NFE2L3: variants seen among roughly 807,000 people sequenced by gnomAD.
The protein encoded by NFE2L3 is nuclear factor erythroid 2-related factor 3.
In NFE2L3, 18 loss-of-function variants were observed where a neutral mutation model predicts 23.5. That is an observed-to-expected ratio of 0.77 (90% CI 0.53 to 1.13). NFE2L3 has a LOEUF of 1.13. NFE2L3 is among the 50% of genes most tolerant of loss of function. The pLI, the probability that NFE2L3 is intolerant of heterozygous loss-of-function variation, is 0.00. For missense variants in NFE2L3, 1,152 were observed against 877.2 expected (o/e 1.31, Z -3.96); for synonymous variants, 424 against 354.5 (o/e 1.20, Z -2.20).
In NFE2L3 at chr7:26,185,054, C is replaced by T. The variant is rs1382641806; in HGVS notation, c.1356C>T (p.Asp452=). 5 of 1,613,576 alleles carry T rather than the reference C, an allele frequency of 3.1e-6. No homozygotes were observed. Among genetic ancestry groups the T allele is most frequent in the African/African-American group, 1.3e-5 (1 of 74,874 alleles). Residue 452 remains aspartate (D), a synonymous_variant, in exon 4 of 4, where the codon GAC becomes GAT. Coordinates refer to ENST00000056233, the MANE Select transcript of NFE2L3 (RefSeq NM_004289.7). ...AAGGTGCTATAGGTTATTGCACTGA[C>T]CATGAATCTAGTTCCCATCATGACT... The part of the protein sequence containing the change: ...CDEGAIGYCT[D]HESSSHHDLE...
intron 1 of NFE2L3, among the ~76,000 whole-genome samples, chr7:26,153,962 C>G (rs1430656450): frequency 6.6e-6 from 1 of 152,220 alleles, no homozygotes; most frequent in East Asian, 1.9e-4. Context: ...TAACGATCAA[C>G]CAGTGGTGAT....
intron 1 of NFE2L3, among the ~76,000 whole-genome samples, chr7:26,159,825 C>T (rs1784140730): frequency 1.3e-5 from 2 of 152,148 alleles, no homozygotes; most frequent in Non-Finnish European, 2.9e-5. Flanking sequence ...GAACAGGTCA[C>T]TGTTCTTAAG....
intron 1 of NFE2L3, chr7:26,174,031 A>C (rs1304415328): frequency 1.3e-5 from 2 of 152,218 alleles, no homozygotes; most frequent in Non-Finnish European, 2.9e-5. Flanking sequence ...TCAGGAGGAT[A>C]AGAGGGTTGA....
chr7:26,162,439 C>T (rs1784186777), intron 1 of NFE2L3, among the ~76,000 whole-genome samples: 1 of 152,054 alleles, frequency 6.6e-6, no homozygotes, highest in South Asian at 2.1e-4. Context: ...TATAATCATA[C>T]AGTGATTCTG....
intron 1 of NFE2L3, among the ~76,000 whole-genome samples, chr7:26,169,133 T>C (rs986076989): frequency 1.3e-5 from 2 of 152,208 alleles, no homozygotes; most frequent in Non-Finnish European, 2.9e-5. Flanking sequence ...TTTTTTACTT[T>C]GTAAATATTA....
chr7:26,152,951 G>C lies in NFE2L3; in HGVS notation c.453G>C (p.Gln151His). ...ASVDGGSQAVQGGGGDPRAAR... is the reference protein window; with the variant it reads ...ASVDGGSQAVHGGGGDPRAAR... Reference sequence around the variant, plus strand: ...TGGACGGCGGCAGCCAGGCTGTGCAGGGGGGCGGCGGGGACCCCCGAGCGG... The same window carrying C: ...TGGACGGCGGCAGCCAGGCTGTGCACGGGGGCGGCGGGGACCCCCGAGCGG... Residue 151 changes from glutamine (Q) to histidine (H), a missense_variant, in exon 1 of 4, where the codon CAG (glutamine) becomes CAC (histidine). Coordinates refer to ENST00000056233, the MANE Select transcript of NFE2L3 (RefSeq NM_004289.7). The surrounding 1 kb of genome is among the most constrained non-coding windows in gnomAD (Gnocchi z 4.4). 6 of 1,479,986 alleles carry C rather than the reference G, an allele frequency of 4.1e-6. No individual in the cohort carries two copies. The highest frequency in any genetic ancestry group is 5.3e-6 in the Non-Finnish European group (6 of 1,124,600). The allele number at this position is 1,479,986 out of a possible 1,614,324, so 91.7% of individuals were successfully genotyped here.
Position 26,167,120 on chromosome 7 carries a change from A to G in NFE2L3, c.571-10823A>G, listed in dbSNP as rs141092371. On this transcript the variant is annotated intron_variant, in intron 1 of 3. Transcript: ENST00000056233. ...TTGCTCCTTTCTTCCCCTTTCCACT[A>G]CATTACTGATTCAGAAAACCTTTGC... Among the ~76,000 whole-genome samples, 10 of 152,306 alleles carry G rather than the reference A, an allele frequency of 6.6e-5. No individual in the cohort carries two copies. The East Asian group carries it at 1.3e-3, about 21-fold the overall frequency.
chr7:26,175,712 GAGCTTGTAGTGAGCCA>G (rs1784391724), intron 1 of NFE2L3, among the ~76,000 whole-genome samples: 1 of 149,622 alleles, frequency 6.7e-6, no homozygotes, highest in Non-Finnish European at 1.5e-5. Flanking sequence ...CCGGGAGGCC[GAGCTTGTAGTGAGCCA>G]AGATCGTGCC....
rs2128100478 is a variant in NFE2L3, at chr7:26,183,772, A to G, written c.822A>G (p.Glu274=). ...TCCAGTTGCTTTCATCACAGCCTGA[A>G]AATTCACTGGAGGTAATTGGAACTT... is the stretch of plus-strand genomic sequence containing the variant. ...DLFQLLSSQP[E]NSLEGISLGD... Residue 274 remains glutamate, a synonymous_variant, in exon 3 of 4, where the codon GAA becomes GAG. Transcript: ENST00000056233. 6.2e-7 allele frequency: 1 copy of G among 1,611,684 alleles called. No homozygotes were observed. The highest frequency in any genetic ancestry group is 8.5e-7 in the Non-Finnish European group (1 of 1,177,766).
At chr7:26,182,209 A>G (rs1023629640) in intron 2 of NFE2L3, among the ~76,000 whole-genome samples, 13 of 152,350 alleles carry the variant, frequency 8.5e-5, no homozygotes, top group African/African-American at 3.1e-4. Context: ...AAGTTTCATT[A>G]TAAATAACAC....
chr7:26,175,794 A>G (rs1186011856), intron 1 of NFE2L3, among the ~76,000 whole-genome samples: 1 of 150,814 alleles, frequency 6.6e-6, no homozygotes, highest in Non-Finnish European at 1.5e-5. Flanking sequence ...AAAAAAAAAA[A>G]TAGTTTCCAT....
chr7:26,153,589 A>T (rs575992153), intron 1 of NFE2L3, among the ~76,000 whole-genome samples: 10 of 152,330 alleles, frequency 6.6e-5, no homozygotes, highest in African/African-American at 2.2e-4. Flanking sequence ...GTCAGGGTCT[A>T]TTCAGAGGCC....
chr7:26,170,229 TCTTCCTCTCC>T (rs1260859021), intron 1 of NFE2L3, among the ~76,000 whole-genome samples: 1 of 152,196 alleles, frequency 6.6e-6, no homozygotes, highest in East Asian at 1.9e-4. Context: ...GGTCTTGGTG[TCTTCCTCTCC>T]CTACCCGGCT....
chr7:26,169,437 C>A (rs1006786198), intron 1 of NFE2L3, among the ~76,000 whole-genome samples: 1 of 152,210 alleles, frequency 6.6e-6, no homozygotes, highest in African/African-American at 2.4e-5. Flanking sequence ...GTCTCTTTAC[C>A]CTCGCCTGAC....
intron 1 of NFE2L3, among the ~76,000 whole-genome samples, chr7:26,172,315 C>T (rs1223788086): frequency 6.6e-6 from 1 of 152,076 alleles, no homozygotes; most frequent in Non-Finnish European, 1.5e-5. Flanking sequence ...ATATATATAC[C>T]CTTTACCCAG....
chr7:26,161,569 C>T (rs547497195), intron 1 of NFE2L3, among the ~76,000 whole-genome samples: 1 of 151,864 alleles, frequency 6.6e-6, no homozygotes, highest in Non-Finnish European at 1.5e-5. Flanking sequence ...TGACGCTCCT[C>T]CCCCAGGGCT....
In NFE2L3 at chr7:26,157,077, A is replaced by G. The variant is rs140400601; in HGVS notation, c.570+4009A>G. Among the ~76,000 whole-genome samples, 950 of 151,768 alleles carry G rather than the reference A, an allele frequency of 6.3e-3. 11 individuals carry two copies. The highest frequency in any genetic ancestry group is 0.021 in the African/African-American group (887 of 41,358). On this transcript the variant is annotated intron_variant, in intron 1 of 3. Transcript: ENST00000056233. ...CAGTGAGCCGAGATCGCTCTACTGC[A>G]CTCCAGCCTGGGTGACAAAGCGAGA... is the stretch of plus-strand genomic sequence containing the variant.
At chr7:26,180,013 T>A (rs1162231857) in intron 2 of NFE2L3, among the ~76,000 whole-genome samples, 3 of 152,162 alleles carry the variant, frequency 2.0e-5, no homozygotes, top group African/African-American at 7.2e-5. Context: ...TTCCGTGGTA[T>A]ACATGCATCT....
intron 1 of NFE2L3, among the ~76,000 whole-genome samples, chr7:26,163,910 G>T (rs914779155): frequency 4.6e-5 from 7 of 152,020 alleles, no homozygotes; most frequent in African/African-American, 1.7e-4. Flanking sequence ...TGCAGTGTGT[G>T]GTTTTCTGTT....
Sources: allele counts gnomAD v4.1 joint callset (sites outside exome capture counted in the v4.1 genomes callset), GRCh38; gene constraint gnomAD v4.1.1; non-coding constraint Gnocchi (gnomAD v3.1); transcripts MANE v1.5; gene names NCBI Gene and HGNC (gene_info 2026-07-23, HGNC 2026-07-21).